Variants in URI1 observed in about 807,000 individuals in gnomAD.
The protein encoded by URI1 is URI1 prefoldin like chaperone.
A neutral mutation model predicts 60.2 loss-of-function variants in URI1; 39 were observed. The observed-to-expected ratio is 0.65, with a 90% confidence interval of 0.50 to 0.85. The LOEUF (loss-of-function observed/expected upper bound fraction) is 0.85, where lower values mean the gene tolerates loss of function less well. Among genes scored for constraint, URI1 ranks in the 40% least tolerant of loss-of-function variants. The pLI is 0.00. For missense variants in URI1, 691 were observed against 665.9 expected (o/e 1.04, Z -0.42); for synonymous variants, 251 against 236.8 (o/e 1.06, Z -0.55).
At chr19:29,962,576 A>G (rs1030967091) in intron 1 of URI1, among the ~76,000 whole-genome samples, 1 of 151,224 alleles carries the variant, frequency 6.6e-6, no homozygotes, top group Non-Finnish European at 1.5e-5. Flanking sequence ...TGTGTGGTCA[A>G]TATTGATTTA....
chr19:29,949,247 A>G (rs1234469688), intron 1 of URI1, among the ~76,000 whole-genome samples: 3 of 146,190 alleles, frequency 2.1e-5, no homozygotes, highest in African/African-American at 5.2e-5. Flanking sequence ...GCGGCCGGGC[A>G]GAGACGCTCC....
chr19:29,945,656 A>G (rs2055094029), intron 1 of URI1, among the ~76,000 whole-genome samples: 1 of 152,210 alleles, frequency 6.6e-6, no homozygotes, highest in African/African-American at 2.4e-5. Context: ...TTTGTTTATA[A>G]AGAGAAAAAC....
chr19:30,012,757 G>T, intron 10 of URI1: 1 of 447,498 alleles, frequency 2.2e-6, no homozygotes, highest in African/African-American at 2.0e-5. Context: ...TCAGCAAAAT[G>T]GGAAATTTAA....
intron 4 of URI1, among the ~76,000 whole-genome samples, chr19:29,994,027 T>C (rs1437424304): frequency 6.6e-6 from 1 of 152,054 alleles, no homozygotes; most frequent in Non-Finnish European, 1.5e-5. Flanking sequence ...TTTTTTGCTG[T>C]TAAAATCAAT....
Position 30,009,196 on chromosome 19 carries a change from C to T in URI1, c.878C>T (p.Ser293Phe). ...CAGTTGAACTGTTCAGTGAATGGTT[C>T]CAGTTCTTACCACAGTGATGATGAT... is the stretch of plus-strand genomic sequence containing the variant. ...NSQLNCSVNG[S>F]SSYHSDDDDD... The change falls in exon 8 of 11, where the codon TCC becomes TTC. Residue 293 changes from serine (S) to phenylalanine (F), a missense_variant. Coordinates refer to ENST00000392271, the MANE Select transcript of URI1 (RefSeq NM_003796.3). The T allele has an allele frequency of 6.2e-7, 1 of 1,611,256 alleles. No individual in the cohort carries two copies. The highest frequency in any genetic ancestry group is 8.5e-7 in the Non-Finnish European group (1 of 1,179,396).
intron 7 of URI1, among the ~76,000 whole-genome samples, chr19:30,008,301 C>T (rs1379461879): frequency 6.6e-6 from 1 of 152,078 alleles, no homozygotes; most frequent in Non-Finnish European, 1.5e-5. Context: ...AAAAATAGGG[C>T]AGGAAGCATA....
intron 4 of URI1, among the ~76,000 whole-genome samples, chr19:29,989,350 T>C (rs902225701): frequency 1.1e-4 from 16 of 147,836 alleles, no homozygotes; most frequent in Non-Finnish European, 2.1e-4. Context: ...TGACCTCAGG[T>C]GATCCACCCG....
chr19:29,943,232 T>A (rs988873038), intron 1 of URI1, among the ~76,000 whole-genome samples: 4 of 152,138 alleles, frequency 2.6e-5, no homozygotes, highest in Admixed American at 6.5e-5. Flanking sequence ...AGTGTTGGGA[T>A]TATAGGCCTG....
chr19:29,979,804 C>T (rs967458534), intron 2 of URI1, among the ~76,000 whole-genome samples: 3 of 151,844 alleles, frequency 2.0e-5, no homozygotes, highest in Admixed American at 6.6e-5. Flanking sequence ...AGGAATATAC[C>T]ACCATTCTGC....
At chr19:29,943,331 T>C (rs2055056916) in intron 1 of URI1, among the ~76,000 whole-genome samples, 1 of 152,206 alleles carries the variant, frequency 6.6e-6, no homozygotes, top group Non-Finnish European at 1.5e-5. Context: ...GTACAAAGTT[T>C]TGTGTTTCCT....
upstream of URI1, among the ~76,000 whole-genome samples, chr19:29,938,225 G>A (rs2054990335): frequency 6.6e-6 from 1 of 152,080 alleles, no homozygotes; most frequent in Non-Finnish European, 1.5e-5. Context: ...ACAAGCATGT[G>A]GCACCAACAC....
At chr19:29,940,348 A>G (rs1241846182), upstream of URI1, among the ~76,000 whole-genome samples, 1 of 152,018 alleles carries the variant, frequency 6.6e-6, no homozygotes, top group East Asian at 1.9e-4. Flanking sequence ...CTTTTGAAGA[A>G]TGAGGAAGAA....
chr19:29,936,641 C>T (rs973056934), intron 1 of URI1, among the ~76,000 whole-genome samples: 1 of 152,192 alleles, frequency 6.6e-6, no homozygotes, highest in Non-Finnish European at 1.5e-5. Context: ...ATTATTTCTT[C>T]AAATTTCTTT....
intron 2 of URI1, among the ~76,000 whole-genome samples, chr19:29,976,033 C>T (rs1030871043): frequency 2.0e-5 from 3 of 152,166 alleles, no homozygotes; most frequent in Admixed American, 6.5e-5. Context: ...AACAGTTCCT[C>T]TTTACCTCAT....
At chr19:29,942,198 G>C (rs571906009), upstream of URI1, 51 of 983,810 alleles carry the variant, frequency 5.2e-5, no homozygotes, top group African/African-American at 8.0e-4. Flanking sequence ...TCGGGGGCGG[G>C]GCCTGCGCGC....
chr19:29,999,829 G>A (rs1453817279), intron 4 of URI1, among the ~76,000 whole-genome samples: 1 of 151,552 alleles, frequency 6.6e-6, no homozygotes, highest in Admixed American at 6.6e-5. Flanking sequence ...ATCTTAAGAC[G>A]TTATTTAAAA....
intron 4 of URI1, among the ~76,000 whole-genome samples, chr19:30,002,001 G>A (rs1222828378): frequency 2.6e-5 from 4 of 151,950 alleles, no homozygotes; most frequent in African/African-American, 9.7e-5. Flanking sequence ...CAGGGGGCAC[G>A]TCCTGTTGAA....
Position 29,986,248 on chromosome 19 carries a change from T to C in URI1, c.232-34T>C, listed in dbSNP as rs2055666984. ...AAAATGTACTTTTCAGTGTTTTATG[T>C]TTTTTCCCTTTTTTCTTTTTTTTTA... On this transcript the variant is annotated intron_variant, in intron 3 of 10. Transcript: ENST00000392271. The C allele has an allele frequency of 2.6e-6, 4 of 1,528,392 alleles. No homozygotes were observed. In the African/African-American group the frequency reaches 5.7e-5, roughly 22 times the overall value. The allele number at this position is 1,528,392 out of a possible 1,614,324, so 94.7% of individuals were successfully genotyped here. A position where few individuals can be genotyped will look rare whatever the true frequency, so the allele number is the denominator to read the frequency against.
Position 29,956,787 on chromosome 19 carries a change from C to A in URI1, c.117+14123C>A. On this transcript the variant is annotated intron_variant, in intron 1 of 10. Transcript: ENST00000392271. ...TGACTACAAATAGTCCGAACGGTAG[C>A]CAGTTCCTTTCTGTTACCCGACCAT... 1.0e-5 allele frequency: 16 copies of A among 1,600,166 alleles called. No homozygotes were observed. The South Asian group carries it at 1.5e-4, about 15-fold the overall frequency.
Sources: allele counts gnomAD v4.1 joint callset (sites outside exome capture counted in the v4.1 genomes callset), GRCh38; gene constraint gnomAD v4.1.1; transcripts MANE v1.5; gene names NCBI Gene and HGNC (gene_info 2026-07-23, HGNC 2026-07-21).